The following ENTREP2 variants were observed in gnomAD, a reference collection of about 807,000 sequenced individuals.
The protein encoded by ENTREP2 is endosomal transmembrane epsin interactor 2, also known as protein ENTREP2.
the ENTREP2 span, among the ~76,000 whole-genome samples, chr15:29,139,970 G>A: frequency 3.9e-4 from 59 of 152,172 alleles, no homozygotes; most frequent in African/African-American, 1.4e-3. Flanking sequence ...CTGGGCTGCC[G>A]GCAGGCTCTG....
chr15:29,618,576 C>T, the ENTREP2 span, among the ~76,000 whole-genome samples: 5 of 152,168 alleles, frequency 3.3e-5, no homozygotes, highest in East Asian at 1.9e-4. Context: ...GAAATCAATG[C>T]GAAAACCTTT....
the ENTREP2 span, among the ~76,000 whole-genome samples, chr15:29,424,643 G>C: frequency 1.2e-4 from 19 of 152,256 alleles, no homozygotes; most frequent in East Asian, 2.9e-3. Flanking sequence ...TACTGAGAGG[G>C]GCCCTGCAAA....
At chr15:29,642,815 T>C in the ENTREP2 span, among the ~76,000 whole-genome samples, 17 of 152,196 alleles carry the variant, frequency 1.1e-4, no homozygotes, top group South Asian at 3.3e-3. Context: ...GATTTCACCA[T>C]GCTGGCCAGG....
the ENTREP2 span, among the ~76,000 whole-genome samples, chr15:29,553,946 T>C: frequency 6.6e-6 from 1 of 152,104 alleles, no homozygotes; most frequent in Non-Finnish European, 1.5e-5. Context: ...ATAAACAAAA[T>C]AAAACACCTG....
the ENTREP2 span, among the ~76,000 whole-genome samples, chr15:29,332,114 G>C: frequency 1.3e-5 from 2 of 152,136 alleles, no homozygotes; most frequent in Admixed American, 6.5e-5. Context: ...ACAGACAAAA[G>C]AAAATATACT....
chr15:29,478,805 T>C, the ENTREP2 span, among the ~76,000 whole-genome samples: 1 of 151,086 alleles, frequency 6.6e-6, no homozygotes, highest in Non-Finnish European at 1.5e-5. Flanking sequence ...CTCAGGAGGC[T>C]GAGGCAGGAG....
chr15:29,591,129 G>T, the ENTREP2 span, among the ~76,000 whole-genome samples: 1 of 152,014 alleles, frequency 6.6e-6, no homozygotes, highest in East Asian at 1.9e-4. Flanking sequence ...ACACTGTAAT[G>T]TACCAAAAGA....
At chr15:29,233,996 G>A in the ENTREP2 span, 1 of 1,494,434 alleles carries the variant, frequency 6.7e-7, no homozygotes, top group Non-Finnish European at 9.3e-7. Flanking sequence ...AGGAAGAGTT[G>A]AAATATCTGA....
At chr15:29,381,655 C>T in the ENTREP2 span, 140 of 783,070 alleles carry the variant, frequency 1.8e-4, no homozygotes, top group African/African-American at 2.2e-3. Context: ...TTTTATCAAG[C>T]TCTGCTTCCC....
At chr15:29,570,411 G>T in the ENTREP2 span, 4 of 803,868 alleles carry the variant, frequency 5.0e-6, no homozygotes, top group African/African-American at 1.8e-5. Context: ...GCCGGAACTT[G>T]CCGCCCGCGG....
chr15:29,488,107 T>TAAAC, the ENTREP2 span, among the ~76,000 whole-genome samples: 6,644 of 152,190 alleles, frequency 0.044, 480 homozygotes, highest in African/African-American at 0.15. Flanking sequence ...CTGGACTTAC[T>TAAAC]AAAGACTTTA....
the ENTREP2 span, among the ~76,000 whole-genome samples, chr15:29,213,628 C>A: frequency 2.2e-4 from 33 of 152,180 alleles, no homozygotes; most frequent in African/African-American, 7.5e-4. Context: ...TGTATTTTTG[C>A]ACATTGATTT....
chr15:29,531,268 GA>G, the ENTREP2 span, among the ~76,000 whole-genome samples: 1 of 152,228 alleles, frequency 6.6e-6, no homozygotes, highest in African/African-American at 2.4e-5. Context: ...ATTCATTCAA[GA>G]AACACAAATC....
At chr15:29,630,049 G>C in the ENTREP2 span, among the ~76,000 whole-genome samples, 1 of 152,152 alleles carries the variant, frequency 6.6e-6, no homozygotes, top group East Asian at 1.9e-4. Flanking sequence ...CCAGGAGGCG[G>C]AGGGTGCAGT....
chr15:29,526,334 G>A, the ENTREP2 span, among the ~76,000 whole-genome samples: 1 of 152,210 alleles, frequency 6.6e-6, no homozygotes, highest in South Asian at 2.1e-4. Flanking sequence ...TCTCAAAGAT[G>A]GTGTCCCTCT....
chr15:29,332,730 C>T, the ENTREP2 span, among the ~76,000 whole-genome samples: 300 of 152,178 alleles, frequency 2.0e-3, 2 homozygotes, highest in African/African-American at 6.6e-3. Flanking sequence ...GAGGCCAAGG[C>T]GGGCAGATCA....
chr15:29,594,380 G>C, the ENTREP2 span, among the ~76,000 whole-genome samples: 1 of 152,030 alleles, frequency 6.6e-6, no homozygotes, highest in East Asian at 1.9e-4. Context: ...CTTCCTCCCC[G>C]ACATGCCTCC....
At chr15:29,132,011 G>A in the ENTREP2 span, among the ~76,000 whole-genome samples, 1 of 152,038 alleles carries the variant, frequency 6.6e-6, no homozygotes, top group African/African-American at 2.4e-5. Context: ...CACCCTCGTG[G>A]AGGCCGCCCC....
chr15:29,237,515 G>A, the ENTREP2 span, among the ~76,000 whole-genome samples: 6 of 152,110 alleles, frequency 3.9e-5, no homozygotes, highest in Admixed American at 3.9e-4. Flanking sequence ...ATGAGGTTTA[G>A]GTTGAGGTTC....
Sources: gnomAD v4.1 joint callset for allele counts (sites outside exome capture counted in the v4.1 genomes callset) on GRCh38, gnomAD v4.1.1 for gene constraint, MANE v1.5 for transcripts, NCBI Gene and HGNC (gene_info 2026-07-23, HGNC 2026-07-21) for gene names.